The following PCDHA10 variants were observed in gnomAD, a reference collection of about 807,000 sequenced individuals.
PCDHA10 encodes protocadherin alpha 10, also known as protocadherin alpha-10.
PCDHA10 carries 45 observed loss-of-function variants against 61.2 expected under a neutral mutation model. The observed-to-expected ratio is 0.74, with a 90% CI of 0.58 to 0.94. The LOEUF (loss-of-function observed/expected upper bound fraction) is 0.94, where lower values mean the gene tolerates loss of function less well. PCDHA10 is among the 40% of genes least tolerant of loss of function. The probability of loss-of-function intolerance (pLI) is 0.00; values close to 1 mark genes in which losing one functional copy is unlikely to be tolerated. For missense variants in PCDHA10, 1,278 were observed against 1,236.2 expected (o/e 1.03, Z -0.51); for synonymous variants, 602 against 548.8 (o/e 1.10, Z -1.35).
intron 1 of PCDHA10, among the ~76,000 whole-genome samples, chr5:140,887,132 T>A (rs2061321769): frequency 6.6e-6 from 1 of 151,950 alleles, no homozygotes; most frequent in Non-Finnish European, 1.5e-5. Context: ...AGTCTCACTC[T>A]GTCGCCCAGG....
chr5:140,883,306 C>G, intron 1 of PCDHA10: 1 of 1,614,050 alleles, frequency 6.2e-7, no homozygotes, highest in Non-Finnish European at 8.5e-7. Flanking sequence ...TAAATGATAA[C>G]GCCCCAGAGG....
Position 140,871,058 on chromosome 5 carries a change from A to C in PCDHA10, c.2388+12622A>C, listed in dbSNP as rs1179361194. Reference sequence around the variant, plus strand: ...CACCGACTTCTAGTACTGGTGAAGGATCACGGTGAGCCGGCGCTGACGGCC... The same window carrying C: ...CACCGACTTCTAGTACTGGTGAAGGCTCACGGTGAGCCGGCGCTGACGGCC... On this transcript the variant is annotated intron_variant, in intron 1 of 3. Transcript: ENST00000307360. 8 of 1,613,140 alleles carry C rather than the reference A, an allele frequency of 5.0e-6. No homozygotes were observed. The African/African-American group carries it at 6.7e-5, about 13-fold the overall frequency.
At chr5:140,929,250 G>A (rs995042103) in intron 1 of PCDHA10, 2 of 1,613,420 alleles carry the variant, frequency 1.2e-6, no homozygotes, top group Admixed American at 1.7e-5. Flanking sequence ...TTGCCACTGG[G>A]GTAGGACTGA....
chr5:140,968,134 G>C, intron 1 of PCDHA10: 1 of 1,614,146 alleles, frequency 6.2e-7, no homozygotes, highest in Non-Finnish European at 8.5e-7. Context: ...GTACACTGAA[G>C]GTTGAGATCT....
intron 1 of PCDHA10, chr5:140,883,292 G>C (rs1352359327): frequency 6.2e-7 from 1 of 1,613,946 alleles, no homozygotes; most frequent in Non-Finnish European, 8.5e-7. Flanking sequence ...GGAAGTACTA[G>C]ATGTAAATGA....
intron 1 of PCDHA10, among the ~76,000 whole-genome samples, chr5:140,960,351 T>C (rs1268803425): frequency 3.3e-5 from 5 of 152,192 alleles, no homozygotes; most frequent in African/African-American, 7.2e-5. Flanking sequence ...AGATATGTAC[T>C]GAAATAATAT....
At chr5:140,966,695 C>CGGGCGTG in intron 1 of PCDHA10, 1 of 1,358,486 alleles carries the variant, frequency 7.4e-7, no homozygotes, top group Non-Finnish European at 9.5e-7. Flanking sequence ...AGGCGGGGCC[C>CGGGCGTG]GGGCGTGGGG....
Position 140,997,281 on chromosome 5 carries a change from T to C in PCDHA10, c.2537-12346T>C, listed in dbSNP as rs143161972. Reference sequence around the variant, plus strand: ...CTCTTCCAAATATTTCTTGCATCACTTAACAATGGGGATACACTGAGAAAT... The same window carrying C: ...CTCTTCCAAATATTTCTTGCATCACCTAACAATGGGGATACACTGAGAAAT... On this transcript the variant is annotated intron_variant, in intron 3 of 3. Transcript: ENST00000307360. 1.4e-3 allele frequency among the ~76,000 whole-genome samples: 209 copies of C among 152,340 alleles called. 2 individuals carry two copies. Among genetic ancestry groups the C allele is most frequent in the African/African-American group, 4.7e-3 (195 of 41,574 alleles).
At chr5:140,875,935 G>A (rs781964808) in intron 1 of PCDHA10, 14 of 1,614,210 alleles carry the variant, frequency 8.7e-6, no homozygotes, top group African/African-American at 1.3e-5. Flanking sequence ...TTTTCCTCTA[G>A]AGGGCGCTTC....
intron 1 of PCDHA10, among the ~76,000 whole-genome samples, chr5:140,893,163 T>C (rs557235731): frequency 6.6e-6 from 1 of 152,354 alleles, no homozygotes; most frequent in African/African-American, 2.4e-5. Flanking sequence ...GATATTGAGG[T>C]TGATTCCACA....
intron 1 of PCDHA10, among the ~76,000 whole-genome samples, chr5:140,871,899 A>G (rs1160830243): frequency 2.6e-5 from 4 of 152,208 alleles, no homozygotes; most frequent in Admixed American, 2.0e-4. Context: ...CTTTTAGCAG[A>G]GTTTTGCCTT....
intron 1 of PCDHA10, chr5:140,881,495 T>C (rs2058735247): frequency 3.5e-6 from 1 of 288,914 alleles, no homozygotes; most frequent in Non-Finnish European, 5.2e-6. Flanking sequence ...TTTATGCACA[T>C]ACACACACTC....
At chr5:140,870,441 C>T in intron 1 of PCDHA10, 2 of 1,614,224 alleles carry the variant, frequency 1.2e-6, no homozygotes, top group South Asian at 1.1e-5. Context: ...AGGTGGCCGA[C>T]GTGAACGACA....
chr5:140,966,260 A>C, intron 1 of PCDHA10: 1 of 339,990 alleles, frequency 2.9e-6, no homozygotes, highest in Admixed American at 4.8e-5. Context: ...GACGGTGGAG[A>C]CTGGATGAAC....
At chr5:141,003,094 A>G (rs2098111645) in intron 3 of PCDHA10, among the ~76,000 whole-genome samples, 1 of 152,230 alleles carries the variant, frequency 6.6e-6, no homozygotes, top group African/African-American at 2.4e-5. Flanking sequence ...CAGGCCTGGC[A>G]TTTGCTTCAC....
At chr5:140,872,850 G>T (rs1439631581) in intron 1 of PCDHA10, among the ~76,000 whole-genome samples, 2 of 152,084 alleles carry the variant, frequency 1.3e-5, no homozygotes, top group African/African-American at 4.8e-5. Context: ...ATATATTAAT[G>T]TGAGTACCTA....
chr5:141,003,856 ATG>A (rs1554259354), intron 3 of PCDHA10, among the ~76,000 whole-genome samples: 1 of 152,144 alleles, frequency 6.6e-6, no homozygotes, highest in Non-Finnish European at 1.5e-5. Flanking sequence ...CCAGATTTAT[ATG>A]TGTCTGAAAT....
chr5:140,863,326 G>T (rs782427157), intron 1 of PCDHA10: 3 of 1,432,470 alleles, frequency 2.1e-6, no homozygotes, highest in Non-Finnish European at 2.9e-6. Context: ...CAGCCTGTTA[G>T]TGCTCACGTT....
At chr5:140,867,932 T>C (rs2050205695) in intron 1 of PCDHA10, 1 of 152,146 alleles carries the variant, frequency 6.6e-6, no homozygotes, top group Non-Finnish European at 1.5e-5. Context: ...TTCCCTTGTT[T>C]TCCATGAACT....
Sources: allele counts gnomAD v4.1 joint callset (sites outside exome capture counted in the v4.1 genomes callset), GRCh38; gene constraint gnomAD v4.1.1; transcripts MANE v1.5; gene names NCBI Gene and HGNC (gene_info 2026-07-23, HGNC 2026-07-21).